The following TTLL11 variants were observed in gnomAD, a reference collection of about 807,000 sequenced individuals.
TTLL11 encodes tubulin tyrosine ligase like 11.
A neutral mutation model predicts 51.7 loss-of-function variants in TTLL11; 42 were observed. That is an observed-to-expected ratio of 0.81 (90% CI 0.64 to 1.05). The LOEUF is 1.05. Ranked by LOEUF, TTLL11 falls within the 50% of genes least tolerant of loss-of-function variation. TTLL11 has a pLI of 0.00. For synonymous variants in TTLL11, 381 were observed against 383.5 expected, an observed-to-expected ratio of 0.99 and a Z score of 0.08; for missense variants, 799 against 940.4, an observed-to-expected ratio of 0.85 and a Z score of 1.97.
chr9:121,897,437 T>C (rs1371738564), intron 6 of TTLL11, among the ~76,000 whole-genome samples: 2 of 152,042 alleles, frequency 1.3e-5, no homozygotes, highest in Non-Finnish European at 2.9e-5. Flanking sequence ...CATTTTTCTC[T>C]CTCTTCTCTC....
At chr9:122,055,243 A>AGAT (rs57031172) in intron 1 of TTLL11, among the ~76,000 whole-genome samples, 1 of 144,966 alleles carries the variant, frequency 6.9e-6, no homozygotes, top group East Asian at 1.9e-4. Flanking sequence ...ATAGATAGAT[A>AGAT]AAGGGGAGTT....
intron 4 of TTLL11, among the ~76,000 whole-genome samples, chr9:121,985,117 T>C (rs1450462857): frequency 2.0e-5 from 3 of 152,340 alleles, no homozygotes; most frequent in African/African-American, 7.2e-5. Context: ...CACCGTCACA[T>C]GTTTAAGATA....
intron 8 of TTLL11, among the ~76,000 whole-genome samples, chr9:121,838,353 A>G (rs1361359790): frequency 6.6e-6 from 1 of 151,856 alleles, no homozygotes; most frequent in East Asian, 1.9e-4. Flanking sequence ...TGAAGCCCCC[A>G]CAGCCTCCTC....
intron 6 of TTLL11, among the ~76,000 whole-genome samples, chr9:121,882,288 G>A (rs375731948): frequency 5.3e-5 from 8 of 152,136 alleles, no homozygotes; most frequent in Admixed American, 1.3e-4. Flanking sequence ...TGTAGTCAGC[G>A]CCCTGGCCTG....
At chr9:121,868,305 G>A (rs753372123) in intron 7 of TTLL11, among the ~76,000 whole-genome samples, 7 of 152,146 alleles carry the variant, frequency 4.6e-5, no homozygotes, top group Non-Finnish European at 1.0e-4. Context: ...AAGGGGCAGA[G>A]CCTGCCTACC....
chr9:122,029,353 G>A (rs985570665), intron 3 of TTLL11, among the ~76,000 whole-genome samples: 2 of 152,148 alleles, frequency 1.3e-5, no homozygotes, highest in African/African-American at 4.8e-5. Flanking sequence ...TGTTATCATA[G>A]GATATGACAG....
intron 8 of TTLL11, among the ~76,000 whole-genome samples, chr9:121,850,492 G>A (rs774525759): frequency 2.5e-4 from 38 of 152,266 alleles, no homozygotes; most frequent in Middle Eastern, 3.4e-3. Flanking sequence ...GAGTTCTGAC[G>A]TCCAAAGACA....
chr9:121,998,280 T>TTTTG (rs1470377733), intron 3 of TTLL11, among the ~76,000 whole-genome samples: 1 of 152,108 alleles, frequency 6.6e-6, no homozygotes, highest in South Asian at 2.1e-4. Context: ...TTTCATTTTG[T>TTTTG]TTTGTTTGTT....
At chr9:121,999,909 T>A (rs1030698798) in intron 3 of TTLL11, among the ~76,000 whole-genome samples, 26 of 152,304 alleles carry the variant, frequency 1.7e-4, no homozygotes, top group African/African-American at 6.3e-4. Flanking sequence ...GTGTTCAAAT[T>A]TCCAAAGGCC....
intron 8 of TTLL11, among the ~76,000 whole-genome samples, chr9:121,852,949 CA>C (rs1837709326): frequency 6.6e-6 from 1 of 152,212 alleles, no homozygotes; most frequent in South Asian, 2.1e-4. Flanking sequence ...TCCTGTATTT[CA>C]GGGGGAGGGG....
intron 1 of TTLL11, among the ~76,000 whole-genome samples, chr9:122,052,338 A>G (rs1054493729): frequency 1.9e-4 from 29 of 152,212 alleles, no homozygotes; most frequent in African/African-American, 6.8e-4. Flanking sequence ...AGGTTTCCCC[A>G]TGCCAGCAAG....
chr9:122,043,435 A>G (rs1844903070), intron 1 of TTLL11, among the ~76,000 whole-genome samples: 1 of 152,210 alleles, frequency 6.6e-6, no homozygotes, highest in South Asian at 2.1e-4. Flanking sequence ...CTGAATATCC[A>G]CGTGCAAAAA....
At chr9:122,081,216 C>G (rs1244756551) in intron 1 of TTLL11, among the ~76,000 whole-genome samples, 1 of 152,220 alleles carries the variant, frequency 6.6e-6, no homozygotes, top group Non-Finnish European at 1.5e-5. Context: ...AACTCACGCT[C>G]TCTTCAGAGG....
intron 6 of TTLL11, among the ~76,000 whole-genome samples, chr9:121,911,251 G>T (rs775850370): frequency 6.6e-6 from 1 of 152,076 alleles, no homozygotes; most frequent in Non-Finnish European, 1.5e-5. Flanking sequence ...CAAAAAATTA[G>T]CCAGGCATGG....
chr9:122,068,396 G>A (rs76523935), intron 1 of TTLL11, among the ~76,000 whole-genome samples: 1,652 of 152,212 alleles, frequency 0.011, 9 homozygotes, highest in Non-Finnish European at 0.018. Flanking sequence ...TCATTATCAC[G>A]TGCATGTTAT....
intron 3 of TTLL11, among the ~76,000 whole-genome samples, chr9:121,990,557 T>G (rs1032761311): frequency 6.6e-6 from 1 of 152,206 alleles, no homozygotes; most frequent in Non-Finnish European, 1.5e-5. Flanking sequence ...TATCCTACCA[T>G]GTCTTGGTTT....
At chr9:122,027,177 A>T (rs1424525103) in intron 3 of TTLL11, among the ~76,000 whole-genome samples, 1 of 152,160 alleles carries the variant, frequency 6.6e-6, no homozygotes, top group Non-Finnish European at 1.5e-5. Flanking sequence ...GAGGTGCTAC[A>T]CACTTTTAAA....
At chr9:121,828,870 C>T (rs1211511080) in intron 8 of TTLL11, among the ~76,000 whole-genome samples, 2 of 152,000 alleles carry the variant, frequency 1.3e-5, no homozygotes, top group Non-Finnish European at 2.9e-5. Flanking sequence ...GAGGCTGAGG[C>T]AGGAGGATCG....
At chr9:121,886,767 G>A (rs1839027347) in intron 6 of TTLL11, among the ~76,000 whole-genome samples, 1 of 152,178 alleles carries the variant, frequency 6.6e-6, no homozygotes, top group Non-Finnish European at 1.5e-5. Context: ...AATAGTGCCT[G>A]GTGCACAGTA....
Sources: gnomAD v4.1 joint callset for allele counts (sites outside exome capture counted in the v4.1 genomes callset) on GRCh38, gnomAD v4.1.1 for gene constraint, MANE v1.5 for transcripts, NCBI Gene and HGNC (gene_info 2026-07-23, HGNC 2026-07-21) for gene names.